POU2F1: variants seen among roughly 807,000 people sequenced by gnomAD.
POU2F1 encodes the protein POU class 2 homeobox 1.
Under a neutral mutation model 84.9 loss-of-function variants are expected in POU2F1, and 16 were observed. The observed-to-expected ratio is 0.19, with a 90% CI of 0.13 to 0.29. The LOEUF (loss-of-function observed/expected upper bound fraction) is 0.29, where lower values mean the gene tolerates loss of function less well. POU2F1 is among the 10% of genes least tolerant of loss of function. The pLI is 1.00. For synonymous variants in POU2F1, 368 were observed against 368.3 expected (o/e 1.00, Z 0.01); for missense variants, 738 against 942.6 (o/e 0.78, Z 2.84).
At chr1:167,267,866 T>C (rs1458489568) in intron 1 of POU2F1, among the ~76,000 whole-genome samples, 1 of 152,056 alleles carries the variant, frequency 6.6e-6, no homozygotes, top group Non-Finnish European at 1.5e-5. Context: ...GGTCTTGATC[T>C]CCTGACCTCA....
chr1:167,393,572 C>T (rs572956836), intron 9 of POU2F1, among the ~76,000 whole-genome samples: 70 of 152,158 alleles, frequency 4.6e-4, no homozygotes, highest in African/African-American at 1.6e-3. Context: ...AATTATAGCT[C>T]ACTGCAGCCT....
At chr1:167,401,127 AAAGT>A (rs1213865340) in intron 12 of POU2F1, among the ~76,000 whole-genome samples, 1 of 152,202 alleles carries the variant, frequency 6.6e-6, no homozygotes, top group Non-Finnish European at 1.5e-5. Context: ...GTCAAAAGTA[AAAGT>A]AATACATGTA....
At chr1:167,371,660 A>G (rs1485295596) in intron 4 of POU2F1, among the ~76,000 whole-genome samples, 1 of 152,204 alleles carries the variant, frequency 6.6e-6, no homozygotes, top group African/African-American at 2.4e-5. Flanking sequence ...ATTGGGGGCT[A>G]TGAAAAAAAT....
At chr1:167,406,533 G>T (rs1353310002) in intron 13 of POU2F1, among the ~76,000 whole-genome samples, 1 of 151,722 alleles carries the variant, frequency 6.6e-6, no homozygotes, top group Non-Finnish European at 1.5e-5. Context: ...CCAGTAAGGG[G>T]GAGAAAAAAA....
At chr1:167,233,396 C>G (rs1056648152) in intron 1 of POU2F1, among the ~76,000 whole-genome samples, 1 of 151,956 alleles carries the variant, frequency 6.6e-6, no homozygotes, top group Non-Finnish European at 1.5e-5. Flanking sequence ...GCTTGGCCTC[C>G]CAAAGTGCTG....
At chr1:167,238,429 G>A (rs1176592724) in intron 1 of POU2F1, among the ~76,000 whole-genome samples, 1 of 152,048 alleles carries the variant, frequency 6.6e-6, no homozygotes, top group African/African-American at 2.4e-5. Context: ...AACAATTCCT[G>A]GTACTAAGAT....
intron 9 of POU2F1, among the ~76,000 whole-genome samples, chr1:167,394,749 A>AT (rs912686891): frequency 6.6e-5 from 10 of 152,228 alleles, no homozygotes; most frequent in African/African-American, 2.4e-4. Context: ...TGGGTGCCTC[A>AT]TTTTGTCTTA....
At chr1:167,337,849 C>G in intron 2 of POU2F1, 1 of 275,642 alleles carries the variant, frequency 3.6e-6, no homozygotes, top group East Asian at 1.0e-4. Context: ...GAAAGCACAC[C>G]AAGATTTAAG....
intron 1 of POU2F1, among the ~76,000 whole-genome samples, chr1:167,236,348 G>T (rs544373525): frequency 6.6e-6 from 1 of 152,066 alleles, no homozygotes; most frequent in East Asian, 1.9e-4. Flanking sequence ...TGATCCACCT[G>T]CCTTGGCCTC....
At chr1:167,315,618 A>T (rs1360124237) in intron 1 of POU2F1, among the ~76,000 whole-genome samples, 2 of 151,858 alleles carry the variant, frequency 1.3e-5, no homozygotes, top group African/African-American at 4.8e-5. Context: ...TCTAAAAAAA[A>T]TTGTTTTTTG....
chr1:167,395,993 C>T (rs1207568755), intron 9 of POU2F1, among the ~76,000 whole-genome samples: 2 of 152,078 alleles, frequency 1.3e-5, no homozygotes, highest in Non-Finnish European at 2.9e-5. Context: ...ATTTTTGATA[C>T]CTAGTTGAAA....
At chr1:167,253,189 G>T (rs913429425) in intron 1 of POU2F1, among the ~76,000 whole-genome samples, 5 of 152,172 alleles carry the variant, frequency 3.3e-5, no homozygotes, top group Non-Finnish European at 5.9e-5. Flanking sequence ...TCACTTCAAA[G>T]AAAAGCCTAC....
At chr1:167,379,074 T>C (rs902659119) in intron 7 of POU2F1, 3 of 151,910 alleles carry the variant, frequency 2.0e-5, no homozygotes, top group Non-Finnish European at 2.9e-5. Flanking sequence ...CAGTGTGTAC[T>C]ACCTCACCTG....
At chr1:167,313,835 A>G (rs958841027) in intron 1 of POU2F1, among the ~76,000 whole-genome samples, 2 of 152,214 alleles carry the variant, frequency 1.3e-5, no homozygotes, top group African/African-American at 4.8e-5. Context: ...CAAAGAACAT[A>G]TCTAATAAAG....
At position 167,345,063 on chromosome 1, in the gene POU2F1, G is replaced by T. The variant is rs149136610; in HGVS notation, c.127+12528G>T. ...AACATCACATACCAGGGGTGAGGGT[G>T]AGGGGAGGGAACTTAGAGGACGGGT... On this transcript the variant is annotated intron_variant, in intron 2 of 15. Coordinates refer to ENST00000367866, the MANE Select transcript of POU2F1 (RefSeq NM_002697.4). 1.1e-3 allele frequency among the ~76,000 whole-genome samples: 173 copies of T among 152,266 alleles called. 6 individuals carry two copies. The East Asian group carries it at 0.028, about 25-fold the overall frequency.
At chr1:167,232,983 T>C (rs4290040) in intron 1 of POU2F1, among the ~76,000 whole-genome samples, 142,296 of 152,146 alleles carry the variant, frequency 0.94, 67,253 homozygotes, top group Non-Finnish European at 1. Flanking sequence ...TAGGCCTTCA[T>C]ATTCGCTCAC....
chr1:167,374,701 CATT>C (rs1660214182), intron 6 of POU2F1, among the ~76,000 whole-genome samples: 1 of 152,146 alleles, frequency 6.6e-6, no homozygotes, highest in African/African-American at 2.4e-5. Flanking sequence ...GAGTGATTAA[CATT>C]ATTGCATTAG....
At position 167,370,360 on chromosome 1, in the gene POU2F1, TA is replaced by T. The variant is rs373467738; in HGVS notation, c.282+148del. ...AATCTCGTGAAGATTCAAATAATGA[TA>T]ATTATTACCATTAATGAAAATCAGT... On this transcript the variant is annotated intron_variant, in intron 4 of 15. Transcript: ENST00000367866. 1.2e-3 allele frequency: 810 copies of T among 674,904 alleles called. 5 individuals carry two copies. The African/African-American group carries it at 0.014, about 11-fold the overall frequency. The allele number at this position is 674,904 out of a possible 1,614,324, so 41.8% of individuals were successfully genotyped here.
intron 1 of POU2F1, among the ~76,000 whole-genome samples, chr1:167,227,513 A>G (rs951916973): frequency 2.0e-5 from 3 of 152,216 alleles, no homozygotes; most frequent in African/African-American, 7.2e-5. Flanking sequence ...TTTTATATGG[A>G]AAAGTGACTT....
Sources: allele counts gnomAD v4.1 joint callset (sites outside exome capture counted in the v4.1 genomes callset), GRCh38; gene constraint gnomAD v4.1.1; transcripts MANE v1.5; gene names NCBI Gene and HGNC (gene_info 2026-07-23, HGNC 2026-07-21).